PRH1: variants seen among roughly 807,000 people sequenced by gnomAD.
The protein encoded by PRH1 is salivary acidic proline-rich phosphoprotein 1/2.
Under a neutral mutation model 7.9 loss-of-function variants are expected in PRH1, and 7 were observed. That is an observed-to-expected ratio of 0.89 (90% CI 0.50 to 1.67). The LOEUF (loss-of-function observed/expected upper bound fraction) is 1.67, where lower values mean the gene tolerates loss of function less well. PRH1 is among the 40% of genes most tolerant of loss of function. The pLI, the probability that PRH1 is intolerant of heterozygous loss-of-function variation, is 0.00. For missense variants in PRH1, 109 were observed against 223.6 expected (o/e 0.49, Z 3.27); for synonymous variants, 45 against 80.8 (o/e 0.56, Z 2.38).
chr12:10,988,870 G>A (rs537780083), intron 1 of PRH1, among the ~76,000 whole-genome samples: 7 of 152,058 alleles, frequency 4.6e-5, no homozygotes, highest in East Asian at 1.9e-4. Flanking sequence ...GCAGTGGCGC[G>A]ATCTCAGCTC....
intron 2 of PRH1, among the ~76,000 whole-genome samples, chr12:10,929,595 G>A (rs554290314): frequency 6.6e-6 from 1 of 152,262 alleles, no homozygotes; most frequent in Non-Finnish European, 1.5e-5. Context: ...AGAGACATGG[G>A]ACTGCTGGGA....
At chr12:11,082,092 A>AT (rs1437939676) in intron 1 of PRH1, among the ~76,000 whole-genome samples, 1 of 116,796 alleles carries the variant, frequency 8.6e-6, no homozygotes, top group African/African-American at 2.9e-5. Context: ...TCCTACAATG[A>AT]TATCTCTTAG....
At chr12:10,935,597 T>G (rs545619604) in intron 2 of PRH1, among the ~76,000 whole-genome samples, 4 of 152,234 alleles carry the variant, frequency 2.6e-5, no homozygotes, top group African/African-American at 7.2e-5. Context: ...CCCACTCCCC[T>G]AGAGTTATCA....
chr12:10,955,244 C>T (rs902213653), intron 2 of PRH1, among the ~76,000 whole-genome samples: 1 of 152,052 alleles, frequency 6.6e-6, no homozygotes, highest in Non-Finnish European at 1.5e-5. Flanking sequence ...TCTTGGACCA[C>T]AGCACAATAA....
rs541322700 is a variant in PRH1 at position 11,082,070 on chromosome 12, C to T, written n.124-34882G>A. Among the ~76,000 whole-genome samples, 108 of 116,462 alleles carry T rather than the reference C, an allele frequency of 9.3e-4. 26 individuals carry two copies. Among genetic ancestry groups the T allele is most frequent in the African/African-American group, 2.9e-3 (100 of 34,878 alleles). The allele number at this position is 116,462 out of a possible 152,430, so 76.4% of individuals were successfully genotyped here. On this transcript the variant is annotated intron_variant and non_coding_transcript_variant, in intron 1 of 4. Transcript: ENST00000541977. ...AGCCTGACTTGAACTTTGCTGTTTA[C>T]TAATATAACTTTCCTACAATGATAT...
At chr12:11,136,101 T>C (rs902591563) in intron 1 of PRH1, among the ~76,000 whole-genome samples, 1 of 152,116 alleles carries the variant, frequency 6.6e-6, no homozygotes, top group Non-Finnish European at 1.5e-5. Context: ...CTTCTTCACA[T>C]CTCCTGAGAT....
At chr12:10,959,311 T>G (rs1591729075) in intron 2 of PRH1, among the ~76,000 whole-genome samples, 1 of 143,644 alleles carries the variant, frequency 7.0e-6, no homozygotes, top group African/African-American at 2.6e-5. Context: ...GGCATCCAAA[T>G]GAAGATGTCA....
chr12:10,903,914 C>T (rs764894236), intron 2 of PRH1, among the ~76,000 whole-genome samples: 11 of 58,250 alleles, frequency 1.9e-4, no homozygotes, highest in Non-Finnish European at 5.2e-4. Flanking sequence ...AGAATGCAAT[C>T]CCATTTACAA....
chr12:10,934,109 C>T (rs1259627883), intron 2 of PRH1, among the ~76,000 whole-genome samples: 1 of 152,084 alleles, frequency 6.6e-6, no homozygotes, highest in Non-Finnish European at 1.5e-5. Flanking sequence ...CACAAAGGAA[C>T]CAAAAGGCCT....
chr12:11,005,899 T>A (rs747892100), intron 1 of PRH1: 2 of 152,138 alleles, frequency 1.3e-5, no homozygotes, highest in East Asian at 3.9e-4. Flanking sequence ...GGGCACTTAT[T>A]AAAAAATATG....
intron 2 of PRH1, among the ~76,000 whole-genome samples, chr12:10,932,586 C>T (rs570705258): frequency 6.6e-6 from 1 of 152,082 alleles, no homozygotes; most frequent in South Asian, 2.1e-4. Flanking sequence ...CAAAACAGGA[C>T]CAATGAAAGA....
At position 10,882,210 on chromosome 12, in the gene PRH1, A is replaced by C. The variant is rs1176620285; in HGVS notation, c.*18+7T>G. On this transcript the variant is annotated splice_region_variant and intron_variant, in intron 3 of 3. Coordinates refer to ENST00000543626, the MANE Select transcript of PRH1 (RefSeq NM_001393989.1). ...AGCCTTTGATGGATAATAAACTGGA[A>C]TCGTACCTGTCATTGAATCCTAGAT... The C allele has an allele frequency of 6.2e-7, 1 of 1,613,436 alleles. No individual in the cohort carries two copies. The highest frequency in any genetic ancestry group is 1.1e-5 in the South Asian group (1 of 91,016).
At chr12:11,067,766 G>T (rs1160551443) in intron 1 of PRH1, among the ~76,000 whole-genome samples, 1 of 152,188 alleles carries the variant, frequency 6.6e-6, no homozygotes, top group Non-Finnish European at 1.5e-5. Flanking sequence ...TGGAAGCTGA[G>T]ATGGGAGAAT....
intron 1 of PRH1, among the ~76,000 whole-genome samples, chr12:11,145,457 T>C (rs1401084214): frequency 2.6e-5 from 4 of 152,184 alleles, no homozygotes; most frequent in Admixed American, 2.0e-4. Flanking sequence ...CCTCCCAAAG[T>C]GCTAGGATTA....
At chr12:11,017,318 C>A (rs1941341254) in intron 1 of PRH1, among the ~76,000 whole-genome samples, 1 of 151,814 alleles carries the variant, frequency 6.6e-6, no homozygotes, top group Non-Finnish European at 1.5e-5. Context: ...GGTACAATAA[C>A]CAGGAAATGG....
chr12:11,149,917 T>A (rs1947010000), intron 1 of PRH1, among the ~76,000 whole-genome samples: 1 of 135,176 alleles, frequency 7.4e-6, no homozygotes, highest in South Asian at 2.2e-4. Flanking sequence ...CGCAACCTAC[T>A]CATCTGACAA....
At chr12:11,102,750 C>CA (rs772741163) in intron 1 of PRH1, among the ~76,000 whole-genome samples, 2 of 152,126 alleles carry the variant, frequency 1.3e-5, no homozygotes, top group Middle Eastern at 3.2e-3. Flanking sequence ...TCACAGTGAA[C>CA]AGGCAACCTA....
chr12:11,061,082 G>T (rs1004959373), intron 1 of PRH1, among the ~76,000 whole-genome samples: 2 of 152,016 alleles, frequency 1.3e-5, no homozygotes, highest in Admixed American at 1.3e-4. Flanking sequence ...TAATTCTTAA[G>T]AATTTTTGTC....
intron 1 of PRH1, among the ~76,000 whole-genome samples, chr12:11,064,555 T>C (rs1943734540): frequency 6.6e-6 from 1 of 152,084 alleles, no homozygotes; most frequent in Non-Finnish European, 1.5e-5. Context: ...AATATCCTCA[T>C]AGACATAGAA....
Sources: gnomAD v4.1 joint callset for allele counts (sites outside exome capture counted in the v4.1 genomes callset) on GRCh38, gnomAD v4.1.1 for gene constraint, MANE v1.5 for transcripts, NCBI Gene and HGNC (gene_info 2026-07-23, HGNC 2026-07-21) for gene names.